Variants in RARRES1 observed in about 807,000 individuals in gnomAD.
RARRES1 encodes retinoic acid receptor responder protein 1.
RARRES1 carries 34 observed loss-of-function variants against 30.6 expected under a neutral mutation model. The ratio of observed to expected loss-of-function variants is 1.11; its 90% CI spans 0.84 to 1.48. The LOEUF (loss-of-function observed/expected upper bound fraction) is 1.48. RARRES1 is among the 40% of genes most tolerant of loss of function. The pLI is 0.00. For missense variants in RARRES1, 373 were observed against 386.5 expected, an observed-to-expected ratio of 0.97 and a Z score of 0.29; for synonymous variants, 153 against 155.5, an observed-to-expected ratio of 0.98 and a Z score of 0.12.
chr3:158,708,087 A>T (rs1726984072), intron 3 of RARRES1, among the ~76,000 whole-genome samples: 1 of 151,870 alleles, frequency 6.6e-6, no homozygotes, highest in Non-Finnish European at 1.5e-5. Context: ...TCACGAATGA[A>T]TTTTTTTTTC....
chr3:158,721,176 C>T lies in RARRES1; in HGVS notation c.277-7317G>A, dbSNP rs192734573. ...TAGTGTGTGTGCCAGGGCATGGAAG[C>T]GAGCAGACCAGCCTGGGGCAGTTAG... is the stretch of plus-strand genomic sequence containing the variant. On this transcript the variant is annotated intron_variant, in intron 1 of 5. Transcript: ENST00000237696. Among the ~76,000 whole-genome samples the T allele has an allele frequency of 7.2e-5, 11 of 152,192 alleles. No homozygotes were observed. In the East Asian group the frequency reaches 9.7e-4, roughly 13 times the overall value.
At chr3:158,705,290 C>T (rs1313201639) in intron 3 of RARRES1, among the ~76,000 whole-genome samples, 1 of 152,206 alleles carries the variant, frequency 6.6e-6, no homozygotes, top group Non-Finnish European at 1.5e-5. Flanking sequence ...CTGCTTCTCC[C>T]TGAGACCACA....
intron 2 of RARRES1, among the ~76,000 whole-genome samples, chr3:158,713,140 C>T (rs779910113): frequency 6.6e-6 from 1 of 152,128 alleles, no homozygotes; most frequent in African/African-American, 2.4e-5. Context: ...CTTCTCAGCA[C>T]AAGACAAAGA....
At chr3:158,710,011 G>T (rs1727057620) in intron 3 of RARRES1, among the ~76,000 whole-genome samples, 1 of 152,222 alleles carries the variant, frequency 6.6e-6, no homozygotes, top group African/African-American at 2.4e-5. Context: ...AGGCTGTGAT[G>T]AGCAGAGTAG....
chr3:158,731,220 C>T (rs111456702), intron 1 of RARRES1, among the ~76,000 whole-genome samples: 4,927 of 152,268 alleles, frequency 0.032, 268 homozygotes, highest in African/African-American at 0.11. Context: ...AGGCGTTTGG[C>T]ACTGTTAAAT....
rs201286673 is a variant in RARRES1, at chr3:158,704,938, C to CA, written c.536-12dup. The CA allele has an allele frequency of 4.4e-6, 7 of 1,592,594 alleles. No individual in the cohort carries two copies. In the Admixed American group the frequency reaches 9.2e-5, roughly 21 times the overall value. On this transcript the variant is annotated splice_polypyrimidine_tract_variant and intron_variant, in intron 3 of 5. Coordinates refer to ENST00000237696, the MANE Select transcript of RARRES1 (RefSeq NM_206963.2). ...TATGTCCATGATTATCTGAGAGAGA[C>CA]AAAAAAAGCACATTTGTATTAATGC...
chr3:158,710,207 T>G (rs962634118), intron 3 of RARRES1, among the ~76,000 whole-genome samples: 64 of 52,416 alleles, frequency 1.2e-3, no homozygotes, highest in Non-Finnish European at 1.6e-3. Context: ...AAATGAGGAG[T>G]TTTTTTTTTT....
chr3:158,719,602 AT>A (rs1301216449), intron 1 of RARRES1, among the ~76,000 whole-genome samples: 1 of 151,780 alleles, frequency 6.6e-6, no homozygotes, highest in African/African-American at 2.4e-5. Context: ...TTTATAGATG[AT>A]TTTTGGCCCC....
At chr3:158,717,126 C>T (rs1053518022) in intron 1 of RARRES1, among the ~76,000 whole-genome samples, 1 of 152,180 alleles carries the variant, frequency 6.6e-6, no homozygotes, top group Non-Finnish European at 1.5e-5. Context: ...AGTGTCTGCA[C>T]TTGCTCTCCA....
rs558870092 is a variant in RARRES1, at chr3:158,705,204, C to G, written c.536-277G>C. 3.6e-4 allele frequency among the ~76,000 whole-genome samples: 55 copies of G among 152,270 alleles called. No homozygotes were observed. The South Asian group carries it at 4.6e-3, about 13-fold the overall frequency. ...AAGAGCTATGAAGCCTACGTTGTATCAAGCCTATGTCCACAAAGTATCTTG... is the reference window on the plus strand; with the variant it reads ...AAGAGCTATGAAGCCTACGTTGTATGAAGCCTATGTCCACAAAGTATCTTG... On this transcript the variant is annotated intron_variant, in intron 3 of 5. Transcript: ENST00000237696.
chr3:158,718,988 C>T (rs1187861548), intron 1 of RARRES1, among the ~76,000 whole-genome samples: 1 of 152,196 alleles, frequency 6.6e-6, no homozygotes, highest in Non-Finnish European at 1.5e-5. Flanking sequence ...TTCCCCAACA[C>T]ACTGCCAGAA....
intron 3 of RARRES1, 131 bp downstream of exon 3, chr3:158,710,607 A>C: frequency 1.2e-6 from 1 of 842,056 alleles, no homozygotes; most frequent in Non-Finnish European, 1.8e-6. Flanking sequence ...TGTTTAAATT[A>C]TGAGGGATAC....
intron 1 of RARRES1, among the ~76,000 whole-genome samples, chr3:158,719,874 A>C (rs535402568): frequency 6.6e-6 from 1 of 152,344 alleles, no homozygotes; most frequent in Non-Finnish European, 1.5e-5. Flanking sequence ...TCAAATCCTT[A>C]GCAAATCAAT....
chr3:158,720,273 T>TGTGTGTGTGTGTGTGTGTGTGA (rs1160861397), intron 1 of RARRES1, among the ~76,000 whole-genome samples: 1 of 144,452 alleles, frequency 6.9e-6, no homozygotes, highest in Non-Finnish European at 1.5e-5. Context: ...TGTATGTGTG[T>TGTGTGTGTGTGTGTGTGTGTGA]GAGAGAGAGA....
intron 1 of RARRES1, among the ~76,000 whole-genome samples, chr3:158,714,944 A>T (rs893181955): frequency 6.6e-6 from 1 of 152,244 alleles, no homozygotes; most frequent in Non-Finnish European, 1.5e-5. Flanking sequence ...TTCTTAAAAA[A>T]TGCTGGGAAA....
chr3:158,712,222 A>T (rs1004768799), intron 2 of RARRES1, among the ~76,000 whole-genome samples: 3 of 152,126 alleles, frequency 2.0e-5, no homozygotes, highest in African/African-American at 7.2e-5. Context: ...TGGTTGTTTA[A>T]ACTGGGTGAA....
intron 1 of RARRES1, among the ~76,000 whole-genome samples, chr3:158,717,747 C>T (rs563009005): frequency 8.6e-5 from 13 of 151,650 alleles, no homozygotes; most frequent in Admixed American, 5.9e-4. Context: ...GCTGAGGGGG[C>T]GGGGAGAGGG....
chr3:158,713,341 G>A (rs1441396045), intron 2 of RARRES1, among the ~76,000 whole-genome samples: 1 of 152,152 alleles, frequency 6.6e-6, no homozygotes, highest in Admixed American at 6.5e-5. Context: ...GATAACGGCT[G>A]GAGCACGTGC....
chr3:158,714,374 C>T (rs758427615), intron 1 of RARRES1, among the ~76,000 whole-genome samples: 2 of 152,046 alleles, frequency 1.3e-5, no homozygotes, highest in Non-Finnish European at 2.9e-5. Context: ...TTGCTTGGCA[C>T]GAGGCGATCT....
Sources: allele counts gnomAD v4.1 joint callset (sites outside exome capture counted in the v4.1 genomes callset), GRCh38; gene constraint gnomAD v4.1.1; transcripts MANE v1.5; gene names NCBI Gene and HGNC (gene_info 2026-07-23, HGNC 2026-07-21).